Variants in THEMIS observed in about 807,000 individuals in gnomAD.
The protein encoded by THEMIS is thymocyte selection associated.
In THEMIS, 37 loss-of-function variants were observed where a neutral mutation model predicts 52.6. The observed-to-expected ratio is 0.70, with a 90% CI of 0.54 to 0.93. The LOEUF is 0.93. Among genes scored for constraint, THEMIS ranks in the 40% least tolerant of loss-of-function variants. The pLI is 0.00. For missense variants in THEMIS, 808 were observed against 763.1 expected (o/e 1.06, Z -0.69); for synonymous variants, 292 against 272.7 (o/e 1.07, Z -0.70).
At chr6:127,744,212 AAAC>A (rs1297108763) in intron 4 of THEMIS, among the ~76,000 whole-genome samples, 2 of 152,040 alleles carry the variant, frequency 1.3e-5, no homozygotes, top group African/African-American at 4.8e-5. Context: ...TTTTTGGTGG[AAAC>A]AACATGTGTC....
Position 127,829,494 on chromosome 6 carries a change from T to A in THEMIS, c.691A>T (p.Ile231Phe). The A allele has an allele frequency of 6.2e-7, 1 of 1,605,816 alleles. No individual in the cohort carries two copies. The stretch of plus-strand genomic sequence containing the variant: ...TACTCACATTTCATCACACCTTGAA[T>A]TTCATAAACAGGCTTGAGAATCAGG... ...GTLILKPVYEIQGVMKFRKDI... is the reference protein window; with the variant it reads ...GTLILKPVYEFQGVMKFRKDI... Residue 231 changes from isoleucine to phenylalanine, a missense_variant, in exon 3 of 6, where the codon ATT (isoleucine) becomes TTT (phenylalanine). Transcript: ENST00000368248.
intron 4 of THEMIS, among the ~76,000 whole-genome samples, chr6:127,786,989 A>G (rs1466758885): frequency 6.6e-6 from 1 of 152,002 alleles, no homozygotes; most frequent in Non-Finnish European, 1.5e-5. Flanking sequence ...TCCTAAAAAA[A>G]CTCGATTCCA....
chr6:127,706,756 G>A (rs1773811914), downstream of THEMIS, among the ~76,000 whole-genome samples: 1 of 152,046 alleles, frequency 6.6e-6, no homozygotes, highest in African/African-American at 2.4e-5. Context: ...ACATTGAGAA[G>A]GTAATATGTG....
At chr6:127,871,118 T>G (rs1175290103) in intron 1 of THEMIS, among the ~76,000 whole-genome samples, 1 of 152,006 alleles carries the variant, frequency 6.6e-6, no homozygotes. Flanking sequence ...TTAAAATAAT[T>G]GAATCATAAT....
At chr6:127,800,818 T>C (rs1462704569) in intron 4 of THEMIS, among the ~76,000 whole-genome samples, 1 of 152,144 alleles carries the variant, frequency 6.6e-6, no homozygotes, top group Non-Finnish European at 1.5e-5. Context: ...AGTTCTTCAG[T>C]TTTGGAATTG....
chr6:127,898,616 A>T (rs952437865), intron 1 of THEMIS, among the ~76,000 whole-genome samples: 2 of 151,858 alleles, frequency 1.3e-5, no homozygotes, highest in African/African-American at 4.8e-5. Context: ...ACAAAAATAG[A>T]ACTACTTACA....
intron 4 of THEMIS, among the ~76,000 whole-genome samples, chr6:127,737,493 C>T (rs963850334): frequency 5.3e-5 from 8 of 152,148 alleles, no homozygotes; most frequent in Non-Finnish European, 7.3e-5. Flanking sequence ...AAATGCCACC[C>T]ATATCTCAAG....
At chr6:127,794,141 T>A (rs758322965) in intron 4 of THEMIS, among the ~76,000 whole-genome samples, 2 of 152,226 alleles carry the variant, frequency 1.3e-5, no homozygotes, top group Non-Finnish European at 2.9e-5. Context: ...CACTTTTGGC[T>A]TTGCACTTAA....
chr6:127,884,338 T>C (rs1348917917), intron 1 of THEMIS, among the ~76,000 whole-genome samples: 2 of 152,188 alleles, frequency 1.3e-5, no homozygotes, highest in Non-Finnish European at 2.9e-5. Flanking sequence ...CCCTGACAAC[T>C]CTACCATTCC....
At chr6:127,877,140 T>C (rs184834666) in intron 1 of THEMIS, among the ~76,000 whole-genome samples, 1 of 152,318 alleles carries the variant, frequency 6.6e-6, no homozygotes, top group African/African-American at 2.4e-5. Flanking sequence ...TCATAATCTT[T>C]TTGCTGGTAG....
chr6:127,769,987 G>A (rs1414994380), intron 4 of THEMIS, among the ~76,000 whole-genome samples: 1 of 152,204 alleles, frequency 6.6e-6, no homozygotes. Context: ...ATTCCATGGT[G>A]TATATTTGCC....
chr6:127,851,704 G>A (rs1779431256), intron 2 of THEMIS, among the ~76,000 whole-genome samples: 3 of 151,724 alleles, frequency 2.0e-5, no homozygotes, highest in Non-Finnish European at 3.0e-5. Flanking sequence ...ATGCTGGTGA[G>A]GATGTGGAAC....
At chr6:127,773,268 C>A (rs1367647437) in intron 4 of THEMIS, among the ~76,000 whole-genome samples, 1 of 152,070 alleles carries the variant, frequency 6.6e-6, no homozygotes, top group African/African-American at 2.4e-5. Context: ...AGAGTACCAG[C>A]TTATTAAAGA....
chr6:127,738,437 A>G (rs945539034), intron 4 of THEMIS, among the ~76,000 whole-genome samples: 12 of 152,214 alleles, frequency 7.9e-5, no homozygotes, highest in African/African-American at 2.9e-4. Context: ...AGAAAGTTCT[A>G]TCTTATTACA....
At chr6:127,803,265 T>G (rs766872420) in intron 4 of THEMIS, among the ~76,000 whole-genome samples, 9 of 152,228 alleles carry the variant, frequency 5.9e-5, no homozygotes, top group Non-Finnish European at 1.0e-4. Flanking sequence ...AATACATTTA[T>G]AGATCTGTGC....
chr6:127,817,740 G>A (rs936601307), intron 3 of THEMIS, among the ~76,000 whole-genome samples: 5 of 152,242 alleles, frequency 3.3e-5, no homozygotes, highest in East Asian at 1.9e-4. Context: ...GGGCAAAAAC[G>A]ACTGCTGGAG....
At chr6:127,840,392 T>G (rs542866254) in intron 2 of THEMIS, among the ~76,000 whole-genome samples, 3 of 152,214 alleles carry the variant, frequency 2.0e-5, no homozygotes, top group Non-Finnish European at 4.4e-5. Context: ...AATAAGATTT[T>G]TTCCCATTAT....
chr6:127,878,418 C>T (rs1272983329), intron 1 of THEMIS, among the ~76,000 whole-genome samples: 5 of 151,660 alleles, frequency 3.3e-5, no homozygotes, highest in African/African-American at 7.3e-5. Flanking sequence ...CAAGCTGACA[C>T]GTGGCCATAT....
chr6:127,854,772 A>T (rs181987513), intron 2 of THEMIS, among the ~76,000 whole-genome samples: 2 of 151,964 alleles, frequency 1.3e-5, no homozygotes, highest in African/African-American at 4.8e-5. Flanking sequence ...GTGTGTATAT[A>T]GTTGGAACTC....
Sources: gnomAD v4.1 joint callset for allele counts (sites outside exome capture counted in the v4.1 genomes callset) on GRCh38, gnomAD v4.1.1 for gene constraint, MANE v1.5 for transcripts, NCBI Gene and HGNC (gene_info 2026-07-23, HGNC 2026-07-21) for gene names.